RAD52: variants seen among roughly 807,000 people sequenced by gnomAD.
RAD52 encodes DNA repair protein RAD52 homolog.
RAD52 carries 47 observed loss-of-function variants against 55.5 expected under a neutral mutation model. The ratio of observed to expected loss-of-function variants is 0.85; its 90% CI spans 0.67 to 1.08. RAD52 has a LOEUF of 1.08. Ranked by LOEUF, RAD52 falls within the 50% of genes least tolerant of loss-of-function variation. The pLI is 0.00. For synonymous variants in RAD52, 184 were observed against 198.9 expected, an observed-to-expected ratio of 0.92 and a Z score of 0.63; for missense variants, 468 against 522.8, an observed-to-expected ratio of 0.90 and a Z score of 1.02.
In RAD52 at chr12:942,359, GATATCT is replaced by G. The variant is rs1380033221; in HGVS notation, c.-19+7237_-19+7242del. Among the ~76,000 whole-genome samples, 5 of 152,278 alleles carry G rather than the reference GATATCT, an allele frequency of 3.3e-5. No homozygotes were observed. The East Asian group carries it at 9.6e-4, about 29-fold the overall frequency. ...TCAACAAATGGTGCTGGAATGACTG[GATATCT>G]ATATGGAAAAGAAATTAATATTTAA... On this transcript the variant is annotated intron_variant, in intron 1 of 11. Transcript: ENST00000358495.
intron 7 of RAD52, among the ~76,000 whole-genome samples, chr12:922,909 C>A (rs1956814498): frequency 1.3e-5 from 2 of 152,082 alleles, no homozygotes; most frequent in South Asian, 4.2e-4. Flanking sequence ...TGGCTCACTG[C>A]AGCCTCCACC....
chr12:947,270 G>A (rs568595622), intron 1 of RAD52, among the ~76,000 whole-genome samples: 48 of 152,162 alleles, frequency 3.2e-4, no homozygotes, highest in African/African-American at 1.1e-3. Flanking sequence ...AAGTGGCAGT[G>A]AGTCAAGATC....
At chr12:914,384 C>T (rs572872691) in intron 10 of RAD52, 47 bp downstream of exon 10, 1 of 1,606,030 alleles carries the variant, frequency 6.2e-7, no homozygotes, top group Admixed American at 1.7e-5. Flanking sequence ...TCTGTGGCTA[C>T]TAGAAACATA....
At chr12:939,967 C>T (rs558699316) in intron 1 of RAD52, among the ~76,000 whole-genome samples, 29 of 151,888 alleles carry the variant, frequency 1.9e-4, no homozygotes, top group South Asian at 6.2e-4. Context: ...CCCAGCTATT[C>T]GGGAGGCTGA....
intron 1 of RAD52, among the ~76,000 whole-genome samples, chr12:956,740 T>A (rs1213661816): frequency 1.3e-5 from 2 of 152,074 alleles, no homozygotes; most frequent in Non-Finnish European, 2.9e-5. Flanking sequence ...AGAGACAGGG[T>A]TTCACCATGT....
At chr12:924,466 A>AT (rs570860102) in intron 7 of RAD52, among the ~76,000 whole-genome samples, 14 of 152,202 alleles carry the variant, frequency 9.2e-5, no homozygotes, top group Non-Finnish European at 1.6e-4. Flanking sequence ...TTTAAAAATG[A>AT]TTTTTTTAAA....
At chr12:985,745 C>T (rs1010993284) in intron 1 of RAD52, among the ~76,000 whole-genome samples, 17 of 151,208 alleles carry the variant, frequency 1.1e-4, no homozygotes, top group Non-Finnish European at 1.8e-4. Context: ...CAGGTTCAAG[C>T]GATTCTCCTG....
chr12:964,436 T>C (rs571305523), intron 1 of RAD52, among the ~76,000 whole-genome samples: 171 of 151,420 alleles, frequency 1.1e-3, no homozygotes, highest in African/African-American at 4.0e-3. Context: ...GGTGTGGTGG[T>C]GTGTGCCTGT....
intron 7 of RAD52, among the ~76,000 whole-genome samples, chr12:920,446 A>G (rs1956660876): frequency 6.7e-6 from 1 of 148,562 alleles, no homozygotes; most frequent in Non-Finnish European, 1.5e-5. Context: ...AGTCCCAGCT[A>G]CTCAGGAGGC....
rs529323024 is a variant in RAD52 at position 961,652 on chromosome 12, G to A, written c.-19+28157C>T. Among the ~76,000 whole-genome samples the A allele has an allele frequency of 2.0e-5, 3 of 152,158 alleles. No homozygotes were observed. In the East Asian group the frequency reaches 5.8e-4, roughly 29 times the overall value. On this transcript the variant is annotated intron_variant, in intron 1 of 11. Transcript: ENST00000430095. ...GAGGTGGGTAGATTACTTGTTGCCA[G>A]GAGTTCGAGACCAGCATGGCCCACA...
rs1440403766 is a variant in RAD52 at position 970,120 on chromosome 12, C to T, written c.-19+19689G>A. On this transcript the variant is annotated intron_variant, in intron 1 of 11. Transcript: ENST00000430095. ...GTCAGGAGTTCGAGACCAGCCTGTC[C>T]AACATGCGAAACCCTGTCTCTACTA... is the stretch of plus-strand genomic sequence containing the variant. 4.6e-5 allele frequency among the ~76,000 whole-genome samples: 7 copies of T among 151,136 alleles called. No homozygotes were observed. The South Asian group carries it at 1.2e-3, about 27-fold the overall frequency.
chr12:968,718 A>T (rs1167335577), intron 1 of RAD52, among the ~76,000 whole-genome samples: 1 of 152,094 alleles, frequency 6.6e-6, no homozygotes, highest in African/African-American at 2.4e-5. Flanking sequence ...TCCACAAAGC[A>T]GCATATGCAT....
Position 929,714 on chromosome 12 carries a change from A to G in RAD52, c.348+105T>C, listed in dbSNP as rs762129733. On this transcript the variant is annotated intron_variant, in intron 5 of 11. Transcript: ENST00000358495. ...TCTAGGGAACGCTGGCTGAGACACA[A>G]CTCTGGAGCCTGGGTCCCCGTCCAG... 9.2e-6 allele frequency: 10 copies of G among 1,090,024 alleles called. No individual in the cohort carries two copies. In the Admixed American group the frequency reaches 1.0e-4, roughly 11 times the overall value. The allele number at this position is 1,090,024 out of a possible 1,614,324, so 67.5% of individuals were successfully genotyped here. A position where few individuals can be genotyped will look rare whatever the true frequency, so the allele number is the denominator to read the frequency against.
chr12:932,018 T>C (rs558859874), intron 2 of RAD52, among the ~76,000 whole-genome samples: 1 of 152,280 alleles, frequency 6.6e-6, no homozygotes, highest in East Asian at 1.9e-4. Context: ...GTGCACACAA[T>C]GTCCCTACAA....
intron 1 of RAD52, among the ~76,000 whole-genome samples, chr12:964,965 G>GCCTTCCTT (rs71055112): frequency 2.6e-5 from 4 of 151,148 alleles, no homozygotes; most frequent in East Asian, 1.9e-4. Flanking sequence ...CCGCCTGCCT[G>GCCTTCCTT]CCTTCCTTCC....
intron 1 of RAD52, among the ~76,000 whole-genome samples, chr12:937,202 A>T (rs1957682579): frequency 6.6e-6 from 1 of 152,182 alleles, no homozygotes; most frequent in Non-Finnish European, 1.5e-5. Flanking sequence ...AGAACAAGCA[A>T]CCAACTGTAC....
chr12:942,358 G>A (rs890745102), intron 1 of RAD52, among the ~76,000 whole-genome samples: 1 of 152,116 alleles, frequency 6.6e-6, no homozygotes, highest in Non-Finnish European at 1.5e-5. Context: ...TGGAATGACT[G>A]GATATCTATA....
chr12:929,790 C>T (rs376624574), intron 5 of RAD52, 29 bp downstream of exon 5: 50 of 1,596,116 alleles, frequency 3.1e-5, no homozygotes, highest in East Asian at 6.7e-5. Context: ...CTGATCCTTC[C>T]GGGCAGCAGG....
chr12:946,995 C>T (rs1202933828), intron 1 of RAD52, among the ~76,000 whole-genome samples: 2 of 152,182 alleles, frequency 1.3e-5, no homozygotes, highest in East Asian at 1.9e-4. Context: ...CGATAATTAA[C>T]GGCCTGGTAA....
Sources: gnomAD v4.1 joint callset for allele counts (sites outside exome capture counted in the v4.1 genomes callset) on GRCh38, gnomAD v4.1.1 for gene constraint, MANE v1.5 for transcripts, NCBI Gene and HGNC (gene_info 2026-07-23, HGNC 2026-07-21) for gene names.